Variants in LAMA1 observed in about 807,000 individuals in gnomAD.
The protein encoded by LAMA1 is laminin subunit alpha 1.
In LAMA1, 219 loss-of-function variants were observed where a neutral mutation model predicts 348.7. That is an observed-to-expected ratio of 0.63 (90% CI 0.56 to 0.70). The LOEUF is 0.70. Among genes scored for constraint, LAMA1 ranks in the 30% least tolerant of loss-of-function variants. The pLI, the probability that LAMA1 is intolerant of heterozygous loss-of-function variation, is 0.00. For missense variants in LAMA1, 3,744 were observed against 3,888.0 expected, an observed-to-expected ratio of 0.96 and a Z score of 0.99; for synonymous variants, 1,487 against 1,491.0, an observed-to-expected ratio of 1.00 and a Z score of 0.06.
Position 6,943,371 on chromosome 18 carries a change from C to T in LAMA1, c.8876G>A (p.Arg2959Lys). ...VLFHVNNGAG[R>K]ITAAYEPKTA... ...TTTGGGCTCATATGCAGCTGTTATCCTGCCAGCACCATTGTTGACATGGAA... is the reference window on the plus strand; with the variant it reads ...TTTGGGCTCATATGCAGCTGTTATCTTGCCAGCACCATTGTTGACATGGAA... Residue 2959 changes from arginine to lysine, a missense_variant, in exon 62 of 63, where the codon AGG (arginine) becomes AAG (lysine). Physicochemically the swap from Arg to Lys is conservative, Grantham distance 26. Transcript: ENST00000389658. 6.2e-7 allele frequency: 1 copy of T among 1,614,174 alleles called. No homozygotes were observed. The highest frequency in any genetic ancestry group is 8.5e-7 in the Non-Finnish European group (1 of 1,180,026).
chr18:6,974,005 T>G (rs761545512), intron 46 of LAMA1, among the ~76,000 whole-genome samples: 2 of 152,026 alleles, frequency 1.3e-5, no homozygotes, highest in Admixed American at 6.5e-5. Flanking sequence ...AACCTCAAAC[T>G]CCTTCTTGCT....
intron 57 of LAMA1, among the ~76,000 whole-genome samples, chr18:6,951,950 G>C (rs1168008282): frequency 6.6e-6 from 1 of 152,186 alleles, no homozygotes; most frequent in Non-Finnish European, 1.5e-5. Context: ...TCCATTCGGG[G>C]TGATGAGGCC....
At position 7,002,529 on chromosome 18, in the gene LAMA1, T is replaced by C. The variant is rs894442551; in HGVS notation, c.4261-144A>G. The C allele has an allele frequency of 1.4e-4, 126 of 929,986 alleles. 1 individual carries two copies. Among genetic ancestry groups the C allele is most frequent in the Admixed American group, 2.6e-4 (15 of 57,218 alleles). The allele number at this position is 929,986 out of a possible 1,614,324, so 57.6% of individuals were successfully genotyped here. ...CAGGAAAGGGGAGCATTTTCCTCCA[T>C]ATTCTTAAAATCCTGAAAACATTTC... On this transcript the variant is annotated intron_variant, in intron 29 of 62. Transcript: ENST00000389658.
intron 1 of LAMA1, among the ~76,000 whole-genome samples, chr18:7,112,604 A>G (rs1295896225): frequency 1.4e-5 from 2 of 143,490 alleles, no homozygotes; most frequent in Non-Finnish European, 3.0e-5. Context: ...AAATATATAT[A>G]TATACACACA....
At chr18:6,957,989 C>T (rs2057588342) in intron 55 of LAMA1, among the ~76,000 whole-genome samples, 1 of 152,074 alleles carries the variant, frequency 6.6e-6, no homozygotes, top group African/African-American at 2.4e-5. Flanking sequence ...ACTATGTTGG[C>T]CAGGCTGGTC....
chr18:7,075,763 C>T (rs934315865), intron 3 of LAMA1, among the ~76,000 whole-genome samples: 1 of 152,040 alleles, frequency 6.6e-6, no homozygotes, highest in Admixed American at 6.6e-5. Flanking sequence ...CATGATGAAA[C>T]CACGTCTCTA....
intron 33 of LAMA1, among the ~76,000 whole-genome samples, chr18:6,996,839 C>T (rs1189462502): frequency 2.6e-5 from 4 of 151,914 alleles, no homozygotes; most frequent in Non-Finnish European, 5.9e-5. Flanking sequence ...TAGTAGGATG[C>T]TGTCTACTAA....
chr18:6,971,901 C>T lies in LAMA1; in HGVS notation c.6855G>A (p.Trp2285Ter). The T allele has an allele frequency of 6.2e-7, 1 of 1,614,110 alleles. No individual in the cohort carries two copies. The highest frequency in any genetic ancestry group is 8.5e-7 in the Non-Finnish European group (1 of 1,180,012). ...ACTTGCCTTCCCTTTCAATATAGTT[C>T]CATAGGCCTATGGATTTTCCATTCA... ...AFLNGKSIGLWNYIEREGKCR... is the reference protein window; with the variant it reads ...AFLNGKSIGL Residue 2285 changes from tryptophan (W) to a stop codon, truncating the protein, a stop_gained, in exon 48 of 63, where the codon TGG becomes TGA. Coordinates refer to ENST00000389658, the MANE Select transcript of LAMA1 (RefSeq NM_005559.4). LOFTEE classifies it high-confidence loss of function.
intron 32 of LAMA1, among the ~76,000 whole-genome samples, chr18:6,998,489 G>A (rs2057792852): frequency 6.6e-6 from 1 of 152,120 alleles, no homozygotes; most frequent in Non-Finnish European, 1.5e-5. Flanking sequence ...CCCTTCCACA[G>A]CCTGCTCTGT....
chr18:6,982,450 G>T (rs201697553), intron 41 of LAMA1, 47 bp downstream of exon 41: 1 of 1,485,400 alleles, frequency 6.7e-7, no homozygotes, highest in Non-Finnish European at 9.4e-7. Context: ...TCAGCGAGAC[G>T]CTCACGCTCA....
At chr18:6,955,210 C>A in intron 57 of LAMA1, 143 bp downstream of exon 57, 1 of 710,002 alleles carries the variant, frequency 1.4e-6, no homozygotes. Context: ...ACACTGAATT[C>A]CTTCTCTTTG....
intron 7 of LAMA1, among the ~76,000 whole-genome samples, chr18:7,044,162 C>CAAAAAA (rs60402984): frequency 4.0e-4 from 16 of 40,152 alleles, no homozygotes; most frequent in South Asian, 1.2e-3. Context: ...GACTCCATCT[C>CAAAAAA]AAAAAAAAAA....
At chr18:6,955,545 G>A (rs147259814) in intron 56 of LAMA1, 80 bp from the exon 57 acceptor site, 2 of 961,510 alleles carry the variant, frequency 2.1e-6, no homozygotes, top group Non-Finnish European at 3.3e-6. Flanking sequence ...GCCATGAAGG[G>A]CCATCTACGA....
chr18:7,117,637 C>T (rs1320917409), intron 1 of LAMA1, 23 bp downstream of exon 1: 1 of 1,595,172 alleles, frequency 6.3e-7, no homozygotes, highest in East Asian at 2.2e-5. Flanking sequence ...GGACAGGGAC[C>T]CTAGGACCCG....
chr18:7,045,023 A>G (rs1414283769), intron 6 of LAMA1, among the ~76,000 whole-genome samples, 184 bp from the exon 7 acceptor site: 1 of 152,234 alleles, frequency 6.6e-6, no homozygotes, highest in Non-Finnish European at 1.5e-5. Context: ...TAACCTGGTT[A>G]CAAACAGAAA....
chr18:7,101,199 A>C (rs1451710765), intron 1 of LAMA1, among the ~76,000 whole-genome samples: 1 of 152,198 alleles, frequency 6.6e-6, no homozygotes, highest in South Asian at 2.1e-4. Flanking sequence ...AATTTACTAA[A>C]AAACATTAAA....
chr18:7,080,651 G>A (rs1213899405), intron 1 of LAMA1, among the ~76,000 whole-genome samples, 194 bp from the exon 2 acceptor site: 2 of 152,146 alleles, frequency 1.3e-5, no homozygotes, highest in Non-Finnish European at 2.9e-5. Flanking sequence ...ATTCATCTAC[G>A]GAGAAAAGTC....
chr18:6,945,427 C>G (rs773881971), intron 61 of LAMA1, among the ~76,000 whole-genome samples: 1 of 152,012 alleles, frequency 6.6e-6, no homozygotes, highest in Non-Finnish European at 1.5e-5. Flanking sequence ...CAAAACCCAG[C>G]GGGGAGTAAG....
intron 1 of LAMA1, among the ~76,000 whole-genome samples, chr18:7,080,711 T>C (rs1455275997): frequency 2.0e-5 from 3 of 152,192 alleles, no homozygotes; most frequent in Non-Finnish European, 2.9e-5. Context: ...ACAGAGGAAC[T>C]TTCTAGGGTA....
Sources: allele counts gnomAD v4.1 joint callset (sites outside exome capture counted in the v4.1 genomes callset), GRCh38; gene constraint gnomAD v4.1.1; transcripts MANE v1.5; gene names NCBI Gene and HGNC (gene_info 2026-07-23, HGNC 2026-07-21).